CACNA2D3: variants seen among roughly 807,000 people sequenced by gnomAD.
CACNA2D3 encodes voltage-dependent calcium channel subunit alpha-2/delta-3.
In CACNA2D3, 60 loss-of-function variants were observed where a neutral mutation model predicts 160.6. The ratio of observed to expected loss-of-function variants is 0.37; its 90% CI spans 0.30 to 0.46. CACNA2D3 has a LOEUF of 0.46. CACNA2D3 is among the 20% of genes least tolerant of loss of function. The pLI is 1.00. For missense variants in CACNA2D3, 1,205 were observed against 1,365.0 expected (o/e 0.88, Z 1.85); for synonymous variants, 558 against 492.9 (o/e 1.13, Z -1.75).
intron 11 of CACNA2D3, among the ~76,000 whole-genome samples, chr3:54,651,562 C>G (rs531110992): frequency 6.6e-6 from 1 of 152,120 alleles, no homozygotes; most frequent in East Asian, 1.9e-4. Context: ...AAGGGATGCC[C>G]TTGATCATGG....
At chr3:54,924,692 G>A in intron 27 of CACNA2D3, 1 of 1,614,128 alleles carries the variant, frequency 6.2e-7, no homozygotes, top group Non-Finnish European at 8.5e-7. Flanking sequence ...GGTTGTCCTT[G>A]AGAAGTAAAA....
intron 27 of CACNA2D3, chr3:54,918,887 G>C: frequency 6.6e-7 from 1 of 1,526,582 alleles, no homozygotes; most frequent in Non-Finnish European, 8.8e-7. Context: ...CCGTCTGTTA[G>C]TCCCCCTTTA....
At chr3:54,498,499 T>G (rs974240583) in intron 4 of CACNA2D3, among the ~76,000 whole-genome samples, 2 of 152,020 alleles carry the variant, frequency 1.3e-5, no homozygotes, top group African/African-American at 4.8e-5. Context: ...AACTAGAATT[T>G]CATAATTTTG....
chr3:54,823,159 A>T (rs182273507), intron 14 of CACNA2D3, among the ~76,000 whole-genome samples: 1 of 151,878 alleles, frequency 6.6e-6, no homozygotes, highest in African/African-American at 2.4e-5. Context: ...CCAGCCTGCT[A>T]TTTGCATTTC....
At chr3:54,874,292 C>G (rs1699610743) in intron 18 of CACNA2D3, among the ~76,000 whole-genome samples, 1 of 152,168 alleles carries the variant, frequency 6.6e-6, no homozygotes. Context: ...GGCAGGAATA[C>G]AATAAGTAGG....
intron 18 of CACNA2D3, chr3:54,877,152 C>G (rs1699680379): frequency 6.6e-6 from 1 of 152,184 alleles, no homozygotes; most frequent in South Asian, 2.1e-4. Flanking sequence ...GCAACGAAAT[C>G]TACTAAAATA....
intron 3 of CACNA2D3, among the ~76,000 whole-genome samples, chr3:54,382,229 T>A (rs1413533975): frequency 1.3e-5 from 2 of 152,228 alleles, no homozygotes; most frequent in East Asian, 3.8e-4. Flanking sequence ...ATAATAGGTA[T>A]AATAGAGTAA....
At chr3:54,274,281 C>T (rs1393309733) in intron 2 of CACNA2D3, among the ~76,000 whole-genome samples, 1 of 151,892 alleles carries the variant, frequency 6.6e-6, no homozygotes, top group Non-Finnish European at 1.5e-5. Context: ...AACTTTATCA[C>T]CTGGCTGTAA....
intron 2 of CACNA2D3, among the ~76,000 whole-genome samples, chr3:54,286,134 C>CT (rs761328574): frequency 1.2e-4 from 18 of 152,164 alleles, no homozygotes; most frequent in Non-Finnish European, 2.2e-4. Flanking sequence ...CTACTCCGAG[C>CT]TACAGGAGGA....
In CACNA2D3 at chr3:54,871,739, GA is replaced by G. The variant is rs1699539970; in HGVS notation, c.1710+118del. The G allele has an allele frequency of 4.2e-4, 294 of 708,356 alleles. 1 individual carries two copies. The South Asian group carries it at 5.0e-3, about 12-fold the overall frequency. 43.9% of individuals were successfully genotyped at this position (708,356 alleles called of 1,614,324 possible). A position where few individuals can be genotyped will look rare whatever the true frequency, so the allele number is the denominator to read the frequency against. On this transcript the variant is annotated intron_variant, in intron 18 of 37. Transcript: ENST00000474759. ...CCACTGAAGGGACACCTGGCTACCAGAGGGACGTGGAGACAAGGGGCCTTTG... is the reference window on the plus strand; with the variant it reads ...CCACTGAAGGGACACCTGGCTACCAGGGGACGTGGAGACAAGGGGCCTTTG...
intron 11 of CACNA2D3, among the ~76,000 whole-genome samples, chr3:54,675,793 A>C (rs534314553): frequency 1.8e-4 from 27 of 152,258 alleles, no homozygotes; most frequent in Non-Finnish European, 3.8e-4. Flanking sequence ...AGAGTGACGA[A>C]AGTAAAGGCT....
intron 11 of CACNA2D3, among the ~76,000 whole-genome samples, chr3:54,729,564 G>A (rs998349837): frequency 3.9e-5 from 6 of 152,154 alleles, no homozygotes; most frequent in East Asian, 1.9e-4. Flanking sequence ...CAGCTTTGTC[G>A]ATGAACTAGC....
chr3:55,020,858 A>AT (rs1703432513), intron 35 of CACNA2D3, among the ~76,000 whole-genome samples: 1 of 152,094 alleles, frequency 6.6e-6, no homozygotes, highest in African/African-American at 2.4e-5. Context: ...TCAAAAAAAA[A>AT]AAAAGTAATA....
intron 2 of CACNA2D3, among the ~76,000 whole-genome samples, chr3:54,159,281 T>C (rs1032139272): frequency 6.6e-6 from 1 of 152,236 alleles, no homozygotes; most frequent in Non-Finnish European, 1.5e-5. Context: ...CATTTTTTTT[T>C]TCCTTCTTGA....
At chr3:54,928,285 C>T (rs1701085228) in intron 27 of CACNA2D3, among the ~76,000 whole-genome samples, 1 of 152,144 alleles carries the variant, frequency 6.6e-6, no homozygotes, top group East Asian at 1.9e-4. Flanking sequence ...GACCCCAGTG[C>T]CTCGGCCTTT....
chr3:54,997,590 G>A (rs1702887356), intron 31 of CACNA2D3, among the ~76,000 whole-genome samples: 1 of 149,616 alleles, frequency 6.7e-6, no homozygotes, highest in Non-Finnish European at 1.5e-5. Context: ...ACTAGATATG[G>A]TGACATGCAC....
chr3:54,362,365 G>A (rs1200188808), intron 3 of CACNA2D3, among the ~76,000 whole-genome samples: 1 of 152,180 alleles, frequency 6.6e-6, no homozygotes, highest in African/African-American at 2.4e-5. Context: ...GCCCTCAGAG[G>A]CCGCCTTCAA....
At chr3:55,067,105 G>GGC (rs370564680) in intron 35 of CACNA2D3, among the ~76,000 whole-genome samples, 3,570 of 151,868 alleles carry the variant, frequency 0.024, 150 homozygotes, top group African/African-American at 0.078. Flanking sequence ...TTGTAGCGGG[G>GGC]GGGGCTTTTC....
chr3:54,791,186 G>A (rs1430046654), intron 13 of CACNA2D3, among the ~76,000 whole-genome samples: 2 of 152,110 alleles, frequency 1.3e-5, no homozygotes, highest in Admixed American at 6.5e-5. Flanking sequence ...TCCATCTTAG[G>A]TCCATCACCA....
Sources: gnomAD v4.1 joint callset for allele counts (sites outside exome capture counted in the v4.1 genomes callset) on GRCh38, gnomAD v4.1.1 for gene constraint, MANE v1.5 for transcripts, NCBI Gene and HGNC (gene_info 2026-07-23, HGNC 2026-07-21) for gene names.